PC: variants seen among roughly 807,000 people sequenced by gnomAD.
PC encodes pyruvate carboxylase.
PC carries 46 observed loss-of-function variants against 107.8 expected under a neutral mutation model. That is an observed-to-expected ratio of 0.43 (90% CI 0.34 to 0.55). The LOEUF (loss-of-function observed/expected upper bound fraction) is 0.55, where lower values mean the gene tolerates loss of function less well. Among genes scored for constraint, PC ranks in the 20% least tolerant of loss-of-function variants. The probability of loss-of-function intolerance (pLI) is 0.04; values close to 1 mark genes in which losing one functional copy is unlikely to be tolerated. For missense variants in PC, 1,241 were observed against 1,643.1 expected, an observed-to-expected ratio of 0.76 and a Z score of 4.23; for synonymous variants, 662 against 684.7, an observed-to-expected ratio of 0.97 and a Z score of 0.52.
intron 3 of PC, among the ~76,000 whole-genome samples, chr11:66,943,706 A>G (rs1382427121): frequency 7.9e-6 from 1 of 126,670 alleles, no homozygotes; most frequent in Non-Finnish European, 1.6e-5. Flanking sequence ...TGGTGAGCAG[A>G]GATCGCGCCA....
intron 1 of PC, among the ~76,000 whole-genome samples, chr11:66,956,371 G>A (rs545380809): frequency 1.3e-5 from 2 of 152,012 alleles, no homozygotes; most frequent in East Asian, 2.0e-4. Context: ...GATCACCTGA[G>A]GTCAGGAGTT....
rs1361137456 is a variant in PC at position 66,849,264 on chromosome 11, C to T, written c.3254G>A (p.Arg1085Gln). 5 of 1,613,538 alleles carry T rather than the reference C, an allele frequency of 3.1e-6. No homozygotes were observed. The highest frequency in any genetic ancestry group is 1.7e-5 in the Admixed American group (1 of 60,014). The change falls in exon 22 of 23, where the codon CGG becomes CAG. Residue 1085 changes from arginine (R) to glutamine (Q), a missense_variant. This residue lies in a region of PC where 1,143 missense variants were observed against 1,551.9 expected (regional missense o/e 0.74). Transcript: ENST00000393960. Reference protein sequence around the residue: ...QVFFELNGQLRSILVKDTQAM... With the variant: ...QVFFELNGQLQSILVKDTQAM... The stretch of plus-strand genomic sequence containing the variant: ...CTGGGTGTCCTTGACCAAGATGGAC[C>T]GCAGCTGCCCATTGAGCTCAAAGAA...
chr11:66,906,094 T>TG (rs754372243), intron 3 of PC, among the ~76,000 whole-genome samples: 1 of 151,912 alleles, frequency 6.6e-6, no homozygotes, highest in Non-Finnish European at 1.5e-5. Flanking sequence ...CTCAAAGTTG[T>TG]GGGGAAGGGC....
chr11:66,861,522 C>A (rs1418526481), intron 12 of PC, among the ~76,000 whole-genome samples: 1 of 152,252 alleles, frequency 6.6e-6, no homozygotes, highest in East Asian at 1.9e-4. Flanking sequence ...GCCCTCCCAG[C>A]CCCAGAACAT....
chr11:66,864,637 C>T (rs1310893469), intron 11 of PC, among the ~76,000 whole-genome samples: 3 of 152,192 alleles, frequency 2.0e-5, no homozygotes, highest in Non-Finnish European at 4.4e-5. Context: ...AGGCAGGGTC[C>T]ACACCCATCA....
At chr11:66,893,268 A>ATCAAGGCCCTTTCC (rs1430447762) in intron 3 of PC, among the ~76,000 whole-genome samples, 2 of 152,108 alleles carry the variant, frequency 1.3e-5, no homozygotes, top group Non-Finnish European at 2.9e-5. Context: ...AAACACTATA[A>ATCAAGGCCCTTTCC]TCAAGGCCCT....
intron 3 of PC, among the ~76,000 whole-genome samples, chr11:66,899,318 A>G (rs151131118): frequency 3.5e-4 from 53 of 152,334 alleles, no homozygotes; most frequent in African/African-American, 1.2e-3. Flanking sequence ...ATATCCCATC[A>G]TATGACTACA....
At chr11:66,859,838 C>T in intron 12 of PC, 2 of 1,570,932 alleles carry the variant, frequency 1.3e-6, no homozygotes, top group Non-Finnish European at 1.7e-6. Context: ...TGGGCGGGAC[C>T]CTGACCGTGG....
At chr11:66,864,372 G>A (rs575350155) in intron 11 of PC, among the ~76,000 whole-genome samples, 142 of 152,378 alleles carry the variant, frequency 9.3e-4, no homozygotes, top group Middle Eastern at 3.4e-3. Flanking sequence ...TGACCCGGCC[G>A]CTAAAGGGCC....
rs755526880 is a variant in PC, at chr11:66,857,986, G to A, written c.1369-4603C>T. 6.2e-7 allele frequency: 1 copy of A among 1,612,364 alleles called. No homozygotes were observed. The highest frequency in any genetic ancestry group is 8.5e-7 in the Non-Finnish European group (1 of 1,179,924). The stretch of plus-strand genomic sequence containing the variant: ...GGACTGGTGGACCTGACACTGTCTC[G>A]CAATGCCATCACCCGCATTGGGGCC... On this transcript the variant is annotated intron_variant, in intron 12 of 22. Transcript: ENST00000393960. This position sits in a 1 kb window ranked among gnomAD's most constrained non-coding sequence, Gnocchi z 7.1.
At chr11:66,908,218 G>A (rs1047188942) in intron 3 of PC, among the ~76,000 whole-genome samples, 1 of 152,190 alleles carries the variant, frequency 6.6e-6, no homozygotes, top group Non-Finnish European at 1.5e-5. Context: ...CTGGCCTAAG[G>A]AAAGGAGCAG....
chr11:66,953,021 G>A (rs150435618), intron 2 of PC, among the ~76,000 whole-genome samples: 16 of 152,310 alleles, frequency 1.1e-4, no homozygotes, highest in African/African-American at 3.1e-4. Context: ...ATCTCACAGC[G>A]TACTAGGGAA....
intron 3 of PC, among the ~76,000 whole-genome samples, chr11:66,919,181 C>T (rs1948534732): frequency 6.6e-6 from 1 of 152,164 alleles, no homozygotes. Context: ...TTCGGGAGGC[C>T]AAGGGAGGTG....
In PC at chr11:66,852,073, G is replaced by A; in HGVS notation, c.1826-127C>T. ...GGTCCTGCTCATCTTCGCCATACCT[G>A]TGTTCCCTGCTCCAACCCCCACAGA... On this transcript the variant is annotated intron_variant, in intron 15 of 22. Transcript: ENST00000393960. This position sits in a 1 kb window ranked among gnomAD's most constrained non-coding sequence, Gnocchi z 4.7. 1 of 969,754 alleles carries A rather than the reference G, an allele frequency of 1.0e-6. No individual in the cohort carries two copies. Among genetic ancestry groups the A allele is most frequent in the Non-Finnish European group, 1.6e-6 (1 of 632,450 alleles). The allele number at this position is 969,754 out of a possible 1,614,324, so 60.1% of individuals were successfully genotyped here. A position where few individuals can be genotyped will look rare whatever the true frequency, so the allele number is the denominator to read the frequency against.
Position 66,858,561 on chromosome 11 carries a change from G to C in PC, c.1369-5178C>G. ...CGGCCGCTACTTCTGGGCAGTGCCC[G>C]AGGGCGAGTTCTCCTGTGAGCCGCC... On this transcript the variant is annotated intron_variant, in intron 12 of 22. Transcript: ENST00000393960. The surrounding 1 kb of genome is among the most constrained non-coding windows in gnomAD (Gnocchi z 5.9). The C allele has an allele frequency of 6.5e-7, 1 of 1,533,288 alleles. No individual in the cohort carries two copies. Among genetic ancestry groups the C allele is most frequent in the Non-Finnish European group, 8.7e-7 (1 of 1,144,548 alleles). The allele number at this position is 1,533,288 out of a possible 1,614,324, so 95.0% of individuals were successfully genotyped here. A position where few individuals can be genotyped will look rare whatever the true frequency, so the allele number is the denominator to read the frequency against.
intron 3 of PC, among the ~76,000 whole-genome samples, chr11:66,875,437 C>T (rs1283407904): frequency 6.6e-6 from 1 of 152,014 alleles, no homozygotes; most frequent in African/African-American, 2.4e-5. Context: ...AGAGCAGGGA[C>T]AAGAACCTGG....
rs773796968 is a variant in PC, at chr11:66,868,823, C to T, written c.1022+23G>A. 16 of 1,585,274 alleles carry T rather than the reference C, an allele frequency of 1.0e-5. 1 individual carries two copies. The South Asian group carries it at 1.7e-4, about 16-fold the overall frequency. On this transcript the variant is annotated intron_variant, in intron 10 of 22. Coordinates refer to ENST00000393960, the MANE Select transcript of PC (RefSeq NM_001040716.2). ...AAATCCTAGAAGCCGCGCCTCCCGCCCCGCCTGCCCGCCCACACTCACTCG... is the reference window on the plus strand; with the variant it reads ...AAATCCTAGAAGCCGCGCCTCCCGCTCCGCCTGCCCGCCCACACTCACTCG...
intron 3 of PC, 60 bp from the exon 4 acceptor site, chr11:66,872,219 G>A (rs1946766979): frequency 6.5e-7 from 1 of 1,542,194 alleles, no homozygotes; most frequent in South Asian, 1.2e-5. Flanking sequence ...TCCTCAGAAT[G>A]AGTGAGGGCC....
chr11:66,867,614 G>A (rs758392664), intron 10 of PC, among the ~76,000 whole-genome samples: 4 of 152,194 alleles, frequency 2.6e-5, no homozygotes, highest in Non-Finnish European at 5.9e-5. Context: ...GGAGGAGCTC[G>A]AGGGTCAGAG....
Sources: gnomAD v4.1 joint callset for allele counts (sites outside exome capture counted in the v4.1 genomes callset) on GRCh38, gnomAD v4.1.1 for gene constraint, gnomAD v4.1.1 regional missense constraint, Gnocchi (gnomAD v3.1) non-coding constraint, MANE v1.5 for transcripts, NCBI Gene and HGNC (gene_info 2026-07-23, HGNC 2026-07-21) for gene names.